The following CAMTA1 variants were observed in gnomAD, a reference collection of about 807,000 sequenced individuals.
CAMTA1 encodes the protein calmodulin-binding transcription activator 1.
In CAMTA1, 27 loss-of-function variants were observed where a neutral mutation model predicts 170.9. The ratio of observed to expected loss-of-function variants is 0.16; its 90% CI spans 0.12 to 0.22. The LOEUF (loss-of-function observed/expected upper bound fraction) is 0.22, where lower values mean the gene tolerates loss of function less well. Among genes scored for constraint, CAMTA1 ranks in the 10% least tolerant of loss-of-function variants. The pLI is 1.00. For missense variants in CAMTA1, 1,619 were observed against 2,217.2 expected (o/e 0.73, Z 5.42); for synonymous variants, 833 against 891.5 (o/e 0.93, Z 1.17).
At chr1:7,601,546 G>C (rs1372592601) in intron 6 of CAMTA1, among the ~76,000 whole-genome samples, 1 of 152,206 alleles carries the variant, frequency 6.6e-6, no homozygotes, top group Non-Finnish European at 1.5e-5. Flanking sequence ...GGTGGCGGCC[G>C]GGCAGAGGCT....
chr1:7,380,723 T>C (rs1291220320), intron 5 of CAMTA1, among the ~76,000 whole-genome samples: 1 of 152,246 alleles, frequency 6.6e-6, no homozygotes, highest in Non-Finnish European at 1.5e-5. Context: ...AGAGTCTTTC[T>C]GGAGCCAAGA....
chr1:7,605,126 G>A (rs1316393674), intron 6 of CAMTA1, among the ~76,000 whole-genome samples: 2 of 152,180 alleles, frequency 1.3e-5, no homozygotes, highest in Non-Finnish European at 2.9e-5. Flanking sequence ...GGCTACTCGG[G>A]GGTCAGGGAC....
At chr1:7,610,517 G>A (rs889304406) in intron 6 of CAMTA1, among the ~76,000 whole-genome samples, 1 of 152,172 alleles carries the variant, frequency 6.6e-6, no homozygotes, top group Non-Finnish European at 1.5e-5. Flanking sequence ...GGCCTAGCAG[G>A]TTAAATCCCT....
At chr1:7,260,743 G>A (rs1428675272) in intron 5 of CAMTA1, among the ~76,000 whole-genome samples, 1 of 152,224 alleles carries the variant, frequency 6.6e-6, no homozygotes, top group Non-Finnish European at 1.5e-5. Flanking sequence ...AATAGTGACC[G>A]ATGGGAGGGC....
chr1:7,640,551 T>C lies in CAMTA1; in HGVS notation c.662T>C (p.Met221Thr). 6.2e-7 allele frequency: 1 copy of C among 1,614,096 alleles called. No homozygotes were observed. The highest frequency in any genetic ancestry group is 8.5e-7 in the Non-Finnish European group (1 of 1,179,988). ...GAGCTCATCGGGCAGCTGAAACCCA[T>C]GTGTGAGTGGCCTTGGCCGGCCTGG... ...KEELIGQLKP[M>T]FHGIKWTCSN... The change falls in exon 7 of 23, where the codon ATG becomes ACG. Residue 221 changes from methionine (M) to threonine (T), a missense_variant and splice_region_variant. By Grantham distance (81) the Met-to-Thr change is moderately conservative. This residue lies in a region of CAMTA1 where 97 missense variants were observed against 225.4 expected (regional missense o/e 0.43). Coordinates refer to ENST00000303635, the MANE Select transcript of CAMTA1 (RefSeq NM_015215.4).
At chr1:7,453,934 G>T (rs148212625) in intron 5 of CAMTA1, among the ~76,000 whole-genome samples, 9 of 152,344 alleles carry the variant, frequency 5.9e-5, no homozygotes, top group African/African-American at 2.2e-4. Context: ...TGCAGCAGGC[G>T]TGTTGGGTTA....
chr1:7,103,639 G>C (rs555140558), intron 4 of CAMTA1, among the ~76,000 whole-genome samples: 1 of 107,684 alleles, frequency 9.3e-6, no homozygotes, highest in Non-Finnish European at 1.9e-5. Flanking sequence ...CTACACACAC[G>C]CACACACAAC....
chr1:6,940,038 G>A (rs967564482), intron 3 of CAMTA1, among the ~76,000 whole-genome samples: 7 of 152,280 alleles, frequency 4.6e-5, no homozygotes, highest in African/African-American at 9.6e-5. Context: ...CAGCATATCC[G>A]TGTCTAAGCA....
chr1:6,820,223 G>A lies in CAMTA1; in HGVS notation c.88G>A (p.Val30Ile). The change falls in exon 2 of 23, where the codon GTT becomes ATT. Residue 30 changes from valine (V) to isoleucine (I), a missense_variant. Transcript: ENST00000303635. ...ATTCTGCGGAACTAGCACCTACTGT[G>A]TTCTCAACACCGTGCCACCTATAGA... ...SVFCGTSTYCVLNTVPPIEDD... is the reference protein window; with the variant it reads ...SVFCGTSTYCILNTVPPIEDD... The A allele has an allele frequency of 6.2e-7, 1 of 1,613,740 alleles. No homozygotes were observed. Among genetic ancestry groups the A allele is most frequent in the African/African-American group, 1.3e-5 (1 of 75,032 alleles).
At position 7,455,768 on chromosome 1, in the gene CAMTA1, G is replaced by A. The variant is rs942037929; in HGVS notation, c.439-12062G>A. ...GGCAGTGCCAGCCCCGCAGACGCCT[G>A]CCCACAGGAGAAGAGAGCCACTGAT... is the stretch of plus-strand genomic sequence containing the variant. On this transcript the variant is annotated intron_variant, in intron 5 of 22. Transcript: ENST00000303635. This position sits in a 1 kb window ranked among gnomAD's most constrained non-coding sequence, Gnocchi z 5.0. Among the ~76,000 whole-genome samples, 9 of 152,234 alleles carry A rather than the reference G, an allele frequency of 5.9e-5. No homozygotes were observed. Among genetic ancestry groups the A allele is most frequent in the African/African-American group, 2.2e-4 (9 of 41,464 alleles).
At chr1:7,156,325 C>T (rs1646884969) in intron 4 of CAMTA1, among the ~76,000 whole-genome samples, 3 of 150,814 alleles carry the variant, frequency 2.0e-5, no homozygotes, top group African/African-American at 4.9e-5. Flanking sequence ...CTTCAAGGAA[C>T]CCCCAGCCTA....
chr1:7,190,441 G>C (rs1343308386), intron 4 of CAMTA1, among the ~76,000 whole-genome samples: 18 of 151,984 alleles, frequency 1.2e-4, no homozygotes, highest in Admixed American at 1.2e-3. Flanking sequence ...ATTCTTATAC[G>C]TGTGTAGAAA....
chr1:7,699,294 C>T (rs372033246), intron 11 of CAMTA1, among the ~76,000 whole-genome samples: 1 of 152,242 alleles, frequency 6.6e-6, no homozygotes, highest in Admixed American at 6.5e-5. Context: ...TCAGCTCCCC[C>T]CCACCACCCT....
At chr1:7,386,063 C>A (rs1031969294) in intron 5 of CAMTA1, among the ~76,000 whole-genome samples, 2 of 152,172 alleles carry the variant, frequency 1.3e-5, no homozygotes, top group Non-Finnish European at 1.5e-5. Flanking sequence ...AGGCATTGGC[C>A]CCCCAAAGGA....
chr1:7,554,118 G>C (rs1025692224), intron 6 of CAMTA1, among the ~76,000 whole-genome samples: 1 of 152,172 alleles, frequency 6.6e-6, no homozygotes, highest in African/African-American at 2.4e-5. Flanking sequence ...GGTGGTAGCT[G>C]AAAATTTCCT....
intron 3 of CAMTA1, among the ~76,000 whole-genome samples, chr1:6,983,519 A>G (rs1404666901): frequency 6.6e-6 from 1 of 152,222 alleles, no homozygotes; most frequent in African/African-American, 2.4e-5. Flanking sequence ...TGTAATACTT[A>G]TCACAATTTG....
intron 3 of CAMTA1, among the ~76,000 whole-genome samples, chr1:7,034,431 G>A (rs1201606214): frequency 1.3e-5 from 2 of 152,224 alleles, no homozygotes; most frequent in East Asian, 1.9e-4. Flanking sequence ...TGAGATTACC[G>A]GCGTGAGCCA....
At chr1:7,487,014 G>T (rs1441044603) in intron 6 of CAMTA1, among the ~76,000 whole-genome samples, 1 of 119,254 alleles carries the variant, frequency 8.4e-6, no homozygotes. Context: ...TGACTCAAGG[G>T]TTGTTGGGAG....
chr1:7,287,247 C>T (rs993421776), intron 5 of CAMTA1, among the ~76,000 whole-genome samples: 20 of 152,046 alleles, frequency 1.3e-4, no homozygotes, highest in African/African-American at 3.9e-4. Context: ...GGCCCAAGGG[C>T]GCCCCTGTGT....
Sources: allele counts gnomAD v4.1 joint callset (sites outside exome capture counted in the v4.1 genomes callset), GRCh38; gene constraint gnomAD v4.1.1; regional missense constraint gnomAD v4.1.1; non-coding constraint Gnocchi (gnomAD v3.1); transcripts MANE v1.5; gene names NCBI Gene and HGNC (gene_info 2026-07-23, HGNC 2026-07-21).